The following TM4SF18 variants were observed in gnomAD, a reference collection of about 807,000 sequenced individuals.
TM4SF18 encodes the protein transmembrane 4 L6 family member 18.
A neutral mutation model predicts 23.8 loss-of-function variants in TM4SF18; 22 were observed. The observed-to-expected ratio is 0.92, with a 90% CI of 0.66 to 1.32. The LOEUF (loss-of-function observed/expected upper bound fraction) is 1.32. Among genes scored for constraint, TM4SF18 ranks in the 40% most tolerant of loss-of-function variants. TM4SF18 has a pLI of 0.00. For synonymous variants in TM4SF18, 87 were observed against 87.9 expected, an observed-to-expected ratio of 0.99 and a Z score of 0.06; for missense variants, 255 against 240.3, an observed-to-expected ratio of 1.06 and a Z score of -0.41.
At chr3:149,325,806 G>C (rs1474120109) in intron 3 of TM4SF18, among the ~76,000 whole-genome samples, 1 of 152,090 alleles carries the variant, frequency 6.6e-6, no homozygotes, top group Non-Finnish European at 1.5e-5. Context: ...ATCCTTCAGG[G>C]CAAGGGACTT....
At position 149,322,300 on chromosome 3, in the gene TM4SF18, G is replaced by T; in HGVS notation, c.547C>A (p.Gln183Lys). Reference sequence around the variant, plus strand: ...CTTCCACACAGTATCTTGGATAGTTGCATGACTACTCTGATGAGGCAGATG... The same window carrying T: ...CTTCCACACAGTATCTTGGATAGTTTCATGACTACTCTGATGAGGCAGATG... ...VIICLIRVVM[Q>K]LSKILCGSYS... The change falls in exon 5 of 6, where the codon CAA (glutamine) becomes AAA (lysine). Residue 183 changes from glutamine (Q) to lysine (K), a missense_variant. Coordinates refer to ENST00000296059, the MANE Select transcript of TM4SF18 (RefSeq NM_138786.4). The T allele has an allele frequency of 6.2e-7, 1 of 1,613,998 alleles. No homozygotes were observed. The highest frequency in any genetic ancestry group is 8.5e-7 in the Non-Finnish European group (1 of 1,179,970).
At chr3:149,326,066 G>T (rs1183454944) in intron 3 of TM4SF18, among the ~76,000 whole-genome samples, 1 of 151,980 alleles carries the variant, frequency 6.6e-6, no homozygotes, top group African/African-American at 2.4e-5. Flanking sequence ...CAGACATTAT[G>T]ATATTTCACC....
At chr3:149,333,115 A>AT (rs1320869847) in intron 2 of TM4SF18, 91 bp downstream of exon 2, 1 of 1,251,852 alleles carries the variant, frequency 8.0e-7, no homozygotes, top group Non-Finnish European at 1.1e-6. Flanking sequence ...TAGCAGAATG[A>AT]TTTTTCCATT....
intron 3 of TM4SF18, 33 bp from the exon 4 acceptor site, chr3:149,325,055 T>C: frequency 6.2e-7 from 1 of 1,604,272 alleles, no homozygotes; most frequent in East Asian, 2.3e-5. Flanking sequence ...GTTAGTACCA[T>C]AGAATGCGAC....
Position 149,330,354 on chromosome 3 carries a change from A to G in TM4SF18, c.243T>C (p.Ser81=). 1.2e-6 allele frequency: 2 copies of G among 1,612,798 alleles called. No homozygotes were observed. The highest frequency in any genetic ancestry group is 2.2e-5 in the South Asian group (2 of 90,904). Residue 81 remains serine, a synonymous_variant, in exon 3 of 6, where the codon AGT becomes AGC. Transcript: ENST00000296059. Reference sequence around the variant, plus strand: ...CCACATATTTTTTGCTGCAGTTTTCACTCTGGCAACATTTATAGTTGTTAT... The same window carrying G: ...CCACATATTTTTTGCTGCAGTTTTCGCTCTGGCAACATTTATAGTTGTTAT... The part of the protein sequence containing the change: ...ENNNNYKCCQ[S]ENCSKKYVTL...
intron 4 of TM4SF18, among the ~76,000 whole-genome samples, chr3:149,323,451 C>T (rs779739979): frequency 5.3e-5 from 8 of 152,202 alleles, no homozygotes; most frequent in Non-Finnish European, 8.8e-5. Flanking sequence ...GATCATCTAG[C>T]AATTTAAAAC....
At chr3:149,330,719 A>G (rs887773001) in intron 2 of TM4SF18, among the ~76,000 whole-genome samples, 1 of 152,194 alleles carries the variant, frequency 6.6e-6, no homozygotes, top group Non-Finnish European at 1.5e-5. Flanking sequence ...GATTAAGGAG[A>G]AGTAAATGGA....
chr3:149,332,189 T>G lies in TM4SF18; in HGVS notation c.177+1017A>C, dbSNP rs112495873. On this transcript the variant is annotated intron_variant, in intron 2 of 5. Transcript: ENST00000296059. ...TTATTTCATAGCAACATCAATAGCATTGGATATTAATATTTTAAAGTTTAT... is the reference window on the plus strand; with the variant it reads ...TTATTTCATAGCAACATCAATAGCAGTGGATATTAATATTTTAAAGTTTAT... Among the ~76,000 whole-genome samples the G allele has an allele frequency of 5.3e-4, 78 of 147,606 alleles. 2 individuals are homozygous for G. The highest frequency in any genetic ancestry group is 6.7e-5 in the Admixed American group (1 of 14,956).
At chr3:149,324,848 C>T (rs201633894) in intron 4 of TM4SF18, 32 bp downstream of exon 4, 164 of 1,611,492 alleles carry the variant, frequency 1.0e-4, no homozygotes, top group Middle Eastern at 1.7e-4. Context: ...TCTGATTTTC[C>T]GACCTCCTTG....
rs994985356 is a variant in TM4SF18 at position 149,322,287 on chromosome 3, A to G, written c.560T>C (p.Ile187Thr). The G allele has an allele frequency of 1.9e-6, 3 of 1,613,842 alleles. No individual in the cohort carries two copies. Among genetic ancestry groups the G allele is most frequent in the Non-Finnish European group, 2.5e-6 (3 of 1,179,800 alleles). ...GATCACTGAATAGCTTCCACACAGT[A>G]TCTTGGATAGTTGCATGACTACTCT... ...LIRVVMQLSK[I>T]LCGSYSVIFQ... is the part of the protein sequence containing the mutation. Residue 187 changes from isoleucine (I) to threonine (T), a missense_variant, in exon 5 of 6, where the codon ATA becomes ACA. Ile to Thr is a moderately conservative substitution (Grantham distance 89, BLOSUM62 -1). Coordinates refer to ENST00000296059, the MANE Select transcript of TM4SF18 (RefSeq NM_138786.4).
intron 2 of TM4SF18, among the ~76,000 whole-genome samples, chr3:149,332,388 C>T (rs940983304): frequency 2.6e-5 from 4 of 152,118 alleles, no homozygotes; most frequent in African/African-American, 9.7e-5. Context: ...TTAGAAATGA[C>T]TTGACCAGGA....
chr3:149,321,429 A>G lies in TM4SF18; in HGVS notation c.*49T>C. On this transcript the variant is annotated 3_prime_UTR_variant, in exon 6 of 6. Transcript: ENST00000296059. ...CTCAAGTCTACACAGTTGATATAAT[A>G]TTTAGATAGATGGCCATGTCTTGAT... 1 of 1,391,918 alleles carries G rather than the reference A, an allele frequency of 7.2e-7. No individual in the cohort carries two copies. Among genetic ancestry groups the G allele is most frequent in the South Asian group, 1.3e-5 (1 of 75,912 alleles). 86.2% of individuals were successfully genotyped at this position (1,391,918 alleles called of 1,614,324 possible).
intron 3 of TM4SF18, 126 bp from the exon 4 acceptor site, chr3:149,325,148 C>A: frequency 1.3e-6 from 1 of 764,796 alleles, no homozygotes; most frequent in Non-Finnish European, 2.0e-6. Context: ...TACTAAATGC[C>A]CACATAGAAA....
rs1460312784 is a variant in TM4SF18, at chr3:149,324,903, A to G, written c.387T>C (p.Tyr129=). Residue 129 remains tyrosine, a synonymous_variant, in exon 4 of 6, where the codon TAT becomes TAC. Transcript: ENST00000296059. ...PYCRTLDGWE[Y]AFEGTAGRFL... ...ACCGTCCAGCAGTGCCTTCAAAAGCATACTCCCAGCCATCAAGGGTGCGGC... is the reference window on the plus strand; with the variant it reads ...ACCGTCCAGCAGTGCCTTCAAAAGCGTACTCCCAGCCATCAAGGGTGCGGC... 9.9e-6 allele frequency: 16 copies of G among 1,614,182 alleles called. No homozygotes were observed. Among genetic ancestry groups the G allele is most frequent in the African/African-American group, 2.7e-5 (2 of 75,034 alleles).
chr3:149,327,053 G>A (rs1166854715), intron 3 of TM4SF18, among the ~76,000 whole-genome samples: 1 of 152,114 alleles, frequency 6.6e-6, no homozygotes, highest in Non-Finnish European at 1.5e-5. Context: ...GGGTTCAAAC[G>A]ATTCTCCTGC....
At chr3:149,321,539 C>G (rs1244199434) in intron 5 of TM4SF18, 47 bp from the exon 6 acceptor site, 3 of 1,360,856 alleles carry the variant, frequency 2.2e-6, no homozygotes, top group African/African-American at 2.9e-5. Flanking sequence ...ATAAACTTGG[C>G]TTGATTAGTA....
intron 4 of TM4SF18, among the ~76,000 whole-genome samples, chr3:149,323,350 C>T (rs1261965678): frequency 1.3e-5 from 2 of 152,060 alleles, no homozygotes; most frequent in South Asian, 4.1e-4. Context: ...TATCTCATAC[C>T]CCCATTTACC....
At chr3:149,327,518 TAAGGATACCAAGA>T (rs1307826474) in intron 3 of TM4SF18, among the ~76,000 whole-genome samples, 2 of 147,728 alleles carry the variant, frequency 1.4e-5, no homozygotes, top group African/African-American at 2.5e-5. Context: ...GAGACAGAAA[TAAGGATACCAAGA>T]AAGGTTATTT....
chr3:149,321,543 AT>A, intron 5 of TM4SF18, 51 bp from the exon 6 acceptor site: 1 of 1,321,086 alleles, frequency 7.6e-7, no homozygotes, highest in Non-Finnish European at 1.1e-6. Context: ...ACTTGGCTTG[AT>A]TAGTAATCCG....
Sources: allele counts gnomAD v4.1 joint callset (sites outside exome capture counted in the v4.1 genomes callset), GRCh38; gene constraint gnomAD v4.1.1; transcripts MANE v1.5; gene names NCBI Gene and HGNC (gene_info 2026-07-23, HGNC 2026-07-21).